The following PCNT variants were observed in gnomAD, a reference collection of about 807,000 sequenced individuals.
The protein encoded by PCNT is pericentrin, also known as kendrin.
A neutral mutation model predicts 380.4 loss-of-function variants in PCNT; 319 were observed. The observed-to-expected ratio is 0.84, with a 90% confidence interval of 0.77 to 0.92. The LOEUF (loss-of-function observed/expected upper bound fraction) is 0.92. Among genes scored for constraint, PCNT ranks in the 40% least tolerant of loss-of-function variants. PCNT has a pLI of 0.00. For synonymous variants in PCNT, 1,845 were observed against 1,735.2 expected (o/e 1.06, Z -1.57); for missense variants, 4,400 against 4,255.3 (o/e 1.03, Z -0.95).
rs575971142 is a variant in PCNT at position 46,384,104 on chromosome 21, G to A, written c.3313-1728G>A. On this transcript the variant is annotated intron_variant, in intron 16 of 46. Transcript: ENST00000359568. The stretch of plus-strand genomic sequence containing the variant: ...TTCACAGTGTTGTATATTCAGTGGC[G>A]GAAGCGCATTCACAGTGTTGTATAT... Among the ~76,000 whole-genome samples, 19 of 141,872 alleles carry A rather than the reference G, an allele frequency of 1.3e-4. 1 individual carries two copies. Among genetic ancestry groups the A allele is most frequent in the Non-Finnish European group, 2.6e-4 (17 of 65,642 alleles). The allele number at this position is 141,872 out of a possible 152,430, so 93.1% of individuals were successfully genotyped here. A position where few individuals can be genotyped will look rare whatever the true frequency, so the allele number is the denominator to read the frequency against.
chr21:46,334,907 G>A, intron 3 of PCNT, 139 bp downstream of exon 3: 1 of 1,375,864 alleles, frequency 7.3e-7, no homozygotes, highest in Non-Finnish European at 1.0e-6. Flanking sequence ...TAGAGAGCTG[G>A]AGGCAGAGGC....
intron 32 of PCNT, 73 bp downstream of exon 32, chr21:46,422,197 G>T: frequency 6.3e-7 from 1 of 1,577,184 alleles, no homozygotes. Context: ...CCTGTGTCCT[G>T]CCTTGCCGGG....
chr21:46,381,070 G>A (rs11089064), intron 15 of PCNT, among the ~76,000 whole-genome samples: 48,556 of 151,142 alleles, frequency 0.32, 8,312 homozygotes, highest in Middle Eastern at 0.42. Context: ...CCAGCTACTC[G>A]GGAGACTGAG....
intron 3 of PCNT, among the ~76,000 whole-genome samples, chr21:46,338,087 A>G (rs1281405021): frequency 6.6e-6 from 1 of 152,026 alleles, no homozygotes. Context: ...CTGTGTTGAC[A>G]GGACTGGTCT....
rs1223965579 is a variant in PCNT, at chr21:46,363,478, AG to A, written c.2155del. 6.2e-7 allele frequency: 1 copy of A among 1,606,800 alleles called. No individual in the cohort carries two copies. On this transcript the variant is annotated splice_acceptor_variant, in intron 13 of 46. Coordinates refer to ENST00000359568, the MANE Select transcript of PCNT (RefSeq NM_006031.6). LOFTEE classifies it high-confidence loss of function. ...TCCTAAATGAAATTATGTTGTCTGT[AG>A]GTAAAACACAATCTAATTGAAGACC...
chr21:46,335,790 A>C (rs1205559992), intron 3 of PCNT, among the ~76,000 whole-genome samples: 2 of 146,454 alleles, frequency 1.4e-5, no homozygotes, highest in South Asian at 2.2e-4. Context: ...GGTTCAAGCG[A>C]TTCTCCTGCC....
rs569412433 is a variant in PCNT, at chr21:46,333,946, C to T, written c.268-451C>T. Among the ~76,000 whole-genome samples, 12 of 152,008 alleles carry T rather than the reference C, an allele frequency of 7.9e-5. No homozygotes were observed. The East Asian group carries it at 1.6e-3, about 20-fold the overall frequency. ...AGCTGGCCAGGTGTGGTGGCTCATG[C>T]CTGTAATCCCAGCACTTTGGGAGGC... is the stretch of plus-strand genomic sequence containing the variant. On this transcript the variant is annotated intron_variant, in intron 2 of 46. Coordinates refer to ENST00000359568, the MANE Select transcript of PCNT (RefSeq NM_006031.6).
At position 46,388,940 on chromosome 21, in the gene PCNT, T is replaced by C; in HGVS notation, c.3607+56T>C. 6.5e-7 allele frequency: 1 copy of C among 1,543,606 alleles called. No homozygotes were observed. Among genetic ancestry groups the C allele is most frequent in the Non-Finnish European group, 8.7e-7 (1 of 1,150,112 alleles). ...TGTGCTTGCAGCCCCTCTGTGGTCC[T>C]GGAGCTCTCTGAGAGGAGCCTCCGT... is the stretch of plus-strand genomic sequence containing the variant. On this transcript the variant is annotated intron_variant, in intron 18 of 46. Coordinates refer to ENST00000359568, the MANE Select transcript of PCNT (RefSeq NM_006031.6). The surrounding 1 kb of genome is among the most constrained non-coding windows in gnomAD (Gnocchi z 4.2).
intron 30 of PCNT, 53 bp from the exon 31 acceptor site, chr21:46,418,151 C>T (rs565485956): frequency 2.3e-5 from 26 of 1,124,328 alleles, no homozygotes; most frequent in African/African-American, 1.1e-4. Context: ...GCAAAGTCAG[C>T]GCTATGATGT....
At position 46,416,478 on chromosome 21, in the gene PCNT, A is replaced by G; in HGVS notation, c.6560A>G (p.Asp2187Gly). The G allele has an allele frequency of 6.2e-7, 1 of 1,614,166 alleles. No individual in the cohort carries two copies. The highest frequency in any genetic ancestry group is 8.5e-7 in the Non-Finnish European group (1 of 1,180,022). Residue 2187 changes from aspartate to glycine, a missense_variant, in exon 30 of 47, where the codon GAC becomes GGC. Physicochemically the swap from Asp to Gly is moderately conservative, Grantham distance 94 (BLOSUM62 -1). Coordinates refer to ENST00000359568, the MANE Select transcript of PCNT (RefSeq NM_006031.6). ...ATTCAAGAAAAATCAGAATGTCAGG[A>G]CATGTCTCTTTCTTCACCGACCAGC... ...SPIQEKSECQ[D>G]MSLSSPTSVL...
chr21:46,430,612 G>A lies in PCNT; in HGVS notation c.8019G>A (p.Gln2673=). 1 of 1,569,814 alleles carries A rather than the reference G, an allele frequency of 6.4e-7. No homozygotes were observed. Residue 2673 remains glutamine, a synonymous_variant, in exon 37 of 47, where the codon CAG becomes CAA. Transcript: ENST00000359568. ...RALQSQLEEE[Q]LRHLQRESQS... ...TGCAGAGCCAGCTGGAGGAGGAGCA[G>A]CTGCGGCACCTGCAGAGGGAGAGCC...
At chr21:46,430,402 A>G (rs1207366289) in intron 36 of PCNT, 105 bp from the exon 37 acceptor site, 23 of 1,466,604 alleles carry the variant, frequency 1.6e-5, no homozygotes, top group Non-Finnish European at 2.0e-5. Context: ...GGTGAAGCAC[A>G]CGTGTGGGAC....
Position 46,411,747 on chromosome 21 carries a change from G to T in PCNT, c.5674G>T (p.Glu1892Ter). The T allele has an allele frequency of 6.2e-7, 1 of 1,611,232 alleles. No homozygotes were observed. The highest frequency in any genetic ancestry group is 8.5e-7 in the Non-Finnish European group (1 of 1,179,740). The change falls in exon 28 of 47, where the codon GAG becomes TAG. Residue 1892 changes from glutamate to a stop codon, truncating the protein, a stop_gained. Transcript: ENST00000359568. LOFTEE classifies it high-confidence loss of function. ...QRKAAHSAEL[E>*]AVLLALARIR... The stretch of plus-strand genomic sequence containing the variant: ...GAAGGCGGCCCACTCTGCCGAGCTG[G>T]AGGCCGTCCTGTTGGCCTTGGCCCG...
intron 35 of PCNT, among the ~76,000 whole-genome samples, chr21:46,429,786 C>T (rs562223805): frequency 1.3e-5 from 2 of 152,214 alleles, no homozygotes; most frequent in East Asian, 3.9e-4. Context: ...CTCCTGGACT[C>T]TGTGTCTCCC....
chr21:46,330,632 GT>G (rs35958157), intron 2 of PCNT, among the ~76,000 whole-genome samples: 48,253 of 151,998 alleles, frequency 0.32, 8,184 homozygotes, highest in Admixed American at 0.41. Flanking sequence ...CTAAAAAGGA[GT>G]TTTTTTCATA....
At chr21:46,413,798 C>T (rs1006672499) in intron 29 of PCNT, among the ~76,000 whole-genome samples, 1 of 152,086 alleles carries the variant, frequency 6.6e-6, no homozygotes, top group East Asian at 1.9e-4. Flanking sequence ...ACTTCTTTTC[C>T]CCGGGGAAGG....
intron 14 of PCNT, among the ~76,000 whole-genome samples, chr21:46,364,642 G>A (rs1424147458): frequency 6.6e-6 from 1 of 152,194 alleles, no homozygotes. Context: ...AAGTTTTCAA[G>A]AGGTTTAGAA....
intron 3 of PCNT, among the ~76,000 whole-genome samples, chr21:46,343,460 T>TG (rs34516535): frequency 1 from 152,331 of 152,332 alleles, 76,165 homozygotes; most frequent in Non-Finnish European, 1. Flanking sequence ...TGTTGAACCT[T>TG]CATCCCTGGT....
At chr21:46,419,960 C>A (rs1182009573) in intron 31 of PCNT, among the ~76,000 whole-genome samples, 1 of 152,204 alleles carries the variant, frequency 6.6e-6, no homozygotes, top group Non-Finnish European at 1.5e-5. Context: ...GAAAAGGTGT[C>A]TGGTAGGTGC....
Sources: allele counts gnomAD v4.1 joint callset (sites outside exome capture counted in the v4.1 genomes callset), GRCh38; gene constraint gnomAD v4.1.1; non-coding constraint Gnocchi (gnomAD v3.1); transcripts MANE v1.5; gene names NCBI Gene and HGNC (gene_info 2026-07-23, HGNC 2026-07-21).